Variants in HSPA9 observed in about 807,000 individuals in gnomAD.
HSPA9 encodes heat shock protein family A (Hsp70) member 9, also known as stress-70 protein, mitochondrial.
Under a neutral mutation model 81.5 loss-of-function variants are expected in HSPA9, and 28 were observed. The ratio of observed to expected loss-of-function variants is 0.34; its 90% confidence interval spans 0.25 to 0.47. The LOEUF is 0.47. Among genes scored for constraint, HSPA9 ranks in the 20% least tolerant of loss-of-function variants. HSPA9 has a pLI of 1.00. For synonymous variants in HSPA9, 293 were observed against 290.4 expected (o/e 1.01, Z -0.09); for missense variants, 678 against 838.0 (o/e 0.81, Z 2.36).
At position 138,557,493 on chromosome 5, in the gene HSPA9, A is replaced by G; in HGVS notation, c.1637T>C (p.Val546Ala). 6.3e-7 allele frequency: 1 copy of G among 1,578,272 alleles called. No individual in the cohort carries two copies. Among genetic ancestry groups the G allele is most frequent in the South Asian group, 1.1e-5 (1 of 89,812 alleles). Reference sequence around the variant, plus strand: ...GCTTAATCCACCAGAAGACTGGATTACAACTGTAGTAAACAGAAGGCATTT... The same window carrying G: ...GCTTAATCCACCAGAAGACTGGATTGCAACTGTAGTAAACAGAAGGCATTT... Reference protein sequence around the residue: ...DKGTGREQQIVIQSSGGLSKD... With the variant: ...DKGTGREQQIAIQSSGGLSKD... The change falls in exon 14 of 17, where the codon GTA becomes GCA. Residue 546 changes from valine (V) to alanine (A), a missense_variant. Transcript: ENST00000297185.
In HSPA9 at chr5:138,570,946, T is replaced by C. The variant is rs375140800; in HGVS notation, c.410+14A>G. ...AATAACTGCTTTTTGCAAAAAACTT[T>C]TGCTGTTACTCACATGTCTTTCTGT... On this transcript the variant is annotated intron_variant, in intron 4 of 16. Coordinates refer to ENST00000297185, the MANE Select transcript of HSPA9 (RefSeq NM_004134.7). 24 of 1,613,738 alleles carry C rather than the reference T, an allele frequency of 1.5e-5. No homozygotes were observed. Among genetic ancestry groups the C allele is most frequent in the African/African-American group, 5.3e-5 (4 of 74,912 alleles).
At chr5:138,557,616 G>T in intron 13 of HSPA9, 120 bp from the exon 14 acceptor site, 3 of 769,574 alleles carry the variant, frequency 3.9e-6, no homozygotes, top group South Asian at 1.5e-5. Context: ...TTATGAAGAG[G>T]AGAAATACCC....
intron 13 of HSPA9, 73 bp from the exon 14 acceptor site, chr5:138,557,569 G>C: frequency 1.1e-6 from 1 of 900,634 alleles, no homozygotes; most frequent in Non-Finnish European, 1.8e-6. Context: ...ATTGCATTAA[G>C]AGTACTCCTG....
chr5:138,572,465 G>C (rs1477537675), intron 3 of HSPA9, among the ~76,000 whole-genome samples: 1 of 152,206 alleles, frequency 6.6e-6, no homozygotes, highest in African/African-American at 2.4e-5. Context: ...TGGGTGTGCA[G>C]AGACAGACTA....
intron 12 of HSPA9, 100 bp from the exon 13 acceptor site, chr5:138,558,086 C>T (rs766249231): frequency 1.8e-4 from 149 of 832,844 alleles, no homozygotes; most frequent in Non-Finnish European, 2.7e-4. Flanking sequence ...TCACTTGGTT[C>T]CTGGGAGAAA....
chr5:138,560,882 G>C, intron 10 of HSPA9: 1 of 418,698 alleles, frequency 2.4e-6, no homozygotes, highest in Non-Finnish European at 4.6e-6. Context: ...CATCCACCTG[G>C]TCCAGGACCT....
chr5:138,565,804 C>T (rs1455836823), intron 9 of HSPA9, among the ~76,000 whole-genome samples: 1 of 152,206 alleles, frequency 6.6e-6, no homozygotes, highest in African/African-American at 2.4e-5. Flanking sequence ...GCCTCAACCT[C>T]CTGGGCTCAA....
In HSPA9 at chr5:138,567,662, T is replaced by A; in HGVS notation, c.596A>T (p.Asp199Val). 6.2e-7 allele frequency: 1 copy of A among 1,613,856 alleles called. No individual in the cohort carries two copies. ...AVITVPAYFNDSQRQATKDAG... is the reference protein window; with the variant it reads ...AVITVPAYFNVSQRQATKDAG... ...AATTGACCTCACCTGTCTCTGCGAGTCATTGAAATAAGCTGGGACTGTGAT... is the reference window on the plus strand; with the variant it reads ...AATTGACCTCACCTGTCTCTGCGAGACATTGAAATAAGCTGGGACTGTGAT... The change falls in exon 6 of 17, where the codon GAC (aspartate) becomes GTC (valine). Residue 199 changes from aspartate (D) to valine (V), a missense_variant. Asp to Val is a radical substitution (Grantham distance 152). Transcript: ENST00000297185.
At chr5:138,563,783 CAA>C (rs1750706724) in intron 9 of HSPA9, among the ~76,000 whole-genome samples, 2 of 152,146 alleles carry the variant, frequency 1.3e-5, no homozygotes, top group Non-Finnish European at 2.9e-5. Context: ...GAGCTTAAAA[CAA>C]AAACAAAAAA....
rs1173654589 is a variant in HSPA9, at chr5:138,575,337, T to C, written c.-19A>G. ...TTATCATGGCGGATAAATGGAGGAG[T>C]ACGAGGCAGCAAACAAGCGCTCCGA... is the stretch of plus-strand genomic sequence containing the variant. On this transcript the variant is annotated 5_prime_UTR_variant, in exon 1 of 17. Coordinates refer to ENST00000297185, the MANE Select transcript of HSPA9 (RefSeq NM_004134.7). 6.2e-6 allele frequency: 10 copies of C among 1,600,626 alleles called. No individual in the cohort carries two copies. Among genetic ancestry groups the C allele is most frequent in the Non-Finnish European group, 8.5e-6 (10 of 1,171,678 alleles).
Position 138,566,990 on chromosome 5 carries a change from T to C in HSPA9, c.879+11A>G, listed in dbSNP as rs1164638760. On this transcript the variant is annotated intron_variant, in intron 8 of 16. Coordinates refer to ENST00000297185, the MANE Select transcript of HSPA9 (RefSeq NM_004134.7). ...CCCAACGTCTACATATTAACCACAT[T>C]GGTAACTCACCTCTCTCTTGAACTC... The C allele has an allele frequency of 7.0e-5, 110 of 1,581,266 alleles. 3 individuals carry two copies. The Admixed American group carries it at 7.2e-4, about 10-fold the overall frequency.
At chr5:138,570,598 G>A (rs576209867) in intron 4 of HSPA9, among the ~76,000 whole-genome samples, 18 of 152,060 alleles carry the variant, frequency 1.2e-4, no homozygotes, top group Non-Finnish European at 2.4e-4. Flanking sequence ...TGATTCTCCC[G>A]TCTCAGCCTC....
intron 8 of HSPA9, 54 bp downstream of exon 8, chr5:138,566,947 C>T (rs1750780390): frequency 6.4e-7 from 1 of 1,562,632 alleles, no homozygotes; most frequent in Non-Finnish European, 8.8e-7. Flanking sequence ...GCAATCTGAA[C>T]AAAGAATTTC....
chr5:138,571,161 T>C lies in HSPA9; in HGVS notation c.229-20A>G, dbSNP rs142747911. On this transcript the variant is annotated intron_variant, in intron 3 of 16. Transcript: ENST00000297185. ...CAGCACCTAAACTCCCAAAATGTGA[T>C]AGAGAGTAAGTTTGTAGTTATCACT... 538 of 1,612,106 alleles carry C rather than the reference T, an allele frequency of 3.3e-4. 5 individuals are homozygous for C. The African/African-American group carries it at 6.5e-3, about 19-fold the overall frequency.
intron 3 of HSPA9, among the ~76,000 whole-genome samples, chr5:138,571,958 GGC>G (rs1750911454): frequency 6.8e-5 from 1 of 14,756 alleles, no homozygotes; most frequent in African/African-American, 1.8e-4. Flanking sequence ...CACTGCGCCT[GGC>G]TTTTTTTTTT....
chr5:138,571,266 C>A (rs535686996), intron 3 of HSPA9, 125 bp from the exon 4 acceptor site: 3 of 924,528 alleles, frequency 3.2e-6, no homozygotes, highest in Non-Finnish European at 5.1e-6. Flanking sequence ...CTGCAACCTC[C>A]GCATCCTGGG....
intron 3 of HSPA9, among the ~76,000 whole-genome samples, chr5:138,572,669 TCTC>T (rs899481448): frequency 3.3e-5 from 5 of 152,096 alleles, no homozygotes; most frequent in African/African-American, 4.8e-5. Flanking sequence ...TTCCCCCCAA[TCTC>T]CTCTTCTGAA....
rs17849320 is a variant in HSPA9 at position 138,567,707 on chromosome 5, T to C, written c.551A>G (p.His184Arg). The change falls in exon 6 of 17, where the codon CAC (histidine) becomes CGC (arginine). Residue 184 changes from histidine (H) to arginine (R), a missense_variant. This residue lies in a region of HSPA9 where 484 missense variants were observed against 647.5 expected (regional missense o/e 0.75). Coordinates refer to ENST00000297185, the MANE Select transcript of HSPA9 (RefSeq NM_004134.7). ...MKETAENYLG[H>R]TAKNAVITVP... is the part of the protein sequence containing the mutation. ...TGTGATCACAGCATTTTTTGCTGTGTGCCCCAAGTAATTTTCTGGAAAAGA... is the reference window on the plus strand; with the variant it reads ...TGTGATCACAGCATTTTTTGCTGTGCGCCCCAAGTAATTTTCTGGAAAAGA... 1 of 1,613,184 alleles carries C rather than the reference T, an allele frequency of 6.2e-7. No individual in the cohort carries two copies.
In HSPA9 at chr5:138,555,967, T is replaced by G. The variant is rs1398962334; in HGVS notation, c.*70A>C. 1 of 1,100,020 alleles carries G rather than the reference T, an allele frequency of 9.1e-7. No individual in the cohort carries two copies. The highest frequency in any genetic ancestry group is 1.7e-5 in the Admixed American group (1 of 59,194). 68.1% of individuals were successfully genotyped at this position (1,100,020 alleles called of 1,614,324 possible). On this transcript the variant is annotated 3_prime_UTR_variant, in exon 17 of 17. Coordinates refer to ENST00000297185, the MANE Select transcript of HSPA9 (RefSeq NM_004134.7). ...GTAAAAAGACTGAAGTTCGCCCATT[T>G]CTGCTCAGGAAGTCTCTTCACTCCT... is the stretch of plus-strand genomic sequence containing the variant.
Sources: allele counts gnomAD v4.1 joint callset (sites outside exome capture counted in the v4.1 genomes callset), GRCh38; gene constraint gnomAD v4.1.1; regional missense constraint gnomAD v4.1.1; transcripts MANE v1.5; gene names NCBI Gene and HGNC (gene_info 2026-07-23, HGNC 2026-07-21).